Variants in FANCC observed in about 807,000 individuals in gnomAD.
FANCC encodes the protein Fanconi anemia group C protein.
A neutral mutation model predicts 71.3 loss-of-function variants in FANCC; 55 were observed. The observed-to-expected ratio is 0.77, with a 90% CI of 0.62 to 0.97. The LOEUF (loss-of-function observed/expected upper bound fraction) is 0.97, where lower values mean the gene tolerates loss of function less well. Ranked by LOEUF, FANCC falls within the 50% of genes least tolerant of loss-of-function variation. FANCC has a pLI of 0.00. For missense variants in FANCC, 678 were observed against 670.9 expected (o/e 1.01, Z -0.12); for synonymous variants, 275 against 244.9 (o/e 1.12, Z -1.15).
At chr9:95,293,951 T>C (rs1488675466) in intron 1 of FANCC, 7 of 1,585,008 alleles carry the variant, frequency 4.4e-6, no homozygotes, top group South Asian at 1.1e-5. Flanking sequence ...AACAGTTTAG[T>C]AGCAGAGATA....
intron 4 of FANCC, among the ~76,000 whole-genome samples, chr9:95,194,889 G>A (rs1827330399): frequency 6.6e-6 from 1 of 152,006 alleles, no homozygotes; most frequent in Admixed American, 6.6e-5. Flanking sequence ...TATGCTTGGG[G>A]TAGCAAGTAT....
intron 1 of FANCC, among the ~76,000 whole-genome samples, chr9:95,252,361 T>C (rs903216894): frequency 6.6e-6 from 1 of 151,300 alleles, no homozygotes; most frequent in Non-Finnish European, 1.5e-5. Flanking sequence ...ATATTTCATA[T>C]GGCACTAGAT....
At chr9:95,306,599 T>C (rs148614509) in intron 1 of FANCC, among the ~76,000 whole-genome samples, 242 of 152,320 alleles carry the variant, frequency 1.6e-3, no homozygotes, top group African/African-American at 5.5e-3. Flanking sequence ...TCCTTCTCTC[T>C]AAACATTTCA....
intron 6 of FANCC, among the ~76,000 whole-genome samples, chr9:95,152,550 G>A (rs937721379): frequency 2.6e-5 from 4 of 152,196 alleles, no homozygotes; most frequent in African/African-American, 9.7e-5. Context: ...GATCACTGTA[G>A]GGGCCTGCAT....
At chr9:95,134,217 C>T (rs904742753) in intron 8 of FANCC, among the ~76,000 whole-genome samples, 3 of 152,152 alleles carry the variant, frequency 2.0e-5, no homozygotes, top group East Asian at 1.9e-4. Context: ...CGGAGGAAGG[C>T]AACTGATTCC....
intron 2 of FANCC, among the ~76,000 whole-genome samples, chr9:95,247,748 CAT>C: frequency 6.6e-6 from 1 of 152,140 alleles, no homozygotes; most frequent in Non-Finnish European, 1.5e-5. Flanking sequence ...AGATGTATGA[CAT>C]AGGTAAAATC....
intron 1 of FANCC, among the ~76,000 whole-genome samples, chr9:95,278,335 CAGT>C (rs1331611775): frequency 6.6e-6 from 1 of 152,160 alleles, no homozygotes; most frequent in African/African-American, 2.4e-5. Context: ...GATACACAGT[CAGT>C]AGAAGCCATA....
intron 4 of FANCC, among the ~76,000 whole-genome samples, chr9:95,204,927 A>G (rs534430086): frequency 6.6e-6 from 1 of 152,324 alleles, no homozygotes; most frequent in Non-Finnish European, 1.5e-5. Context: ...GCTTCAAAAT[A>G]CCAAAGGGGA....
intron 6 of FANCC, among the ~76,000 whole-genome samples, chr9:95,155,389 C>T (rs1026424053): frequency 6.8e-5 from 10 of 146,366 alleles, no homozygotes; most frequent in African/African-American, 2.1e-4. Flanking sequence ...AGAAAATATT[C>T]GTAATAAAGG....
At chr9:95,292,991 A>G in intron 1 of FANCC, 2 of 1,576,874 alleles carry the variant, frequency 1.3e-6, no homozygotes, top group Non-Finnish European at 1.7e-6. Flanking sequence ...TCCCTGCAGA[A>G]CACAGGGACC....
At chr9:95,107,439 T>C in intron 13 of FANCC, 170 bp from the exon 14 acceptor site, 1 of 698,578 alleles carries the variant, frequency 1.4e-6, no homozygotes, top group South Asian at 1.7e-5. Context: ...CAAACCCAAA[T>C]GGGCGGAATG....
At chr9:95,102,860 C>T (rs985390625) in intron 14 of FANCC, among the ~76,000 whole-genome samples, 2 of 152,342 alleles carry the variant, frequency 1.3e-5, no homozygotes, top group Admixed American at 6.5e-5. Context: ...CCATGACGTT[C>T]GCTCTCCTCG....
intron 1 of FANCC, among the ~76,000 whole-genome samples, chr9:95,266,170 T>C (rs973631771): frequency 6.6e-6 from 1 of 152,228 alleles, no homozygotes; most frequent in African/African-American, 2.4e-5. Context: ...TTATCTAAAG[T>C]CATTCTTCTT....
At chr9:95,211,776 T>C (rs907888073) in intron 4 of FANCC, among the ~76,000 whole-genome samples, 5 of 150,300 alleles carry the variant, frequency 3.3e-5, no homozygotes, top group Admixed American at 6.6e-5. Flanking sequence ...ATGGCAGAGA[T>C]GATGGAAGTA....
At position 95,240,962 on chromosome 9, in the gene FANCC, T is replaced by C. The variant is rs4647438; in HGVS notation, c.251-219A>G. ...CTATCTTTGCTCTCCTAGCTGTCCT[T>C]CAGAATTCCCTAAACTTAACTTTGT... On this transcript the variant is annotated intron_variant, in intron 3 of 14. Coordinates refer to ENST00000289081, the MANE Select transcript of FANCC (RefSeq NM_000136.3). Among the ~76,000 whole-genome samples the C allele has an allele frequency of 4.6e-3, 706 of 152,340 alleles. 4 individuals carry two copies. Among genetic ancestry groups the C allele is most frequent in the Middle Eastern group, 0.034 (10 of 294 alleles).
intron 14 of FANCC, among the ~76,000 whole-genome samples, chr9:95,105,981 A>T (rs540977156): frequency 6.6e-6 from 1 of 152,298 alleles, no homozygotes; most frequent in South Asian, 2.1e-4. Flanking sequence ...TCTGGGTTAT[A>T]GACCTAGGAG....
intron 8 of FANCC, among the ~76,000 whole-genome samples, chr9:95,130,503 AAAG>A (rs1448492629): frequency 2.6e-5 from 4 of 152,254 alleles, no homozygotes; most frequent in Admixed American, 2.0e-4. Flanking sequence ...CCTTAAAAAT[AAAG>A]AAGGAAATAG....
chr9:95,305,713 G>A (rs545745552), intron 1 of FANCC, among the ~76,000 whole-genome samples: 1 of 152,082 alleles, frequency 6.6e-6, no homozygotes, highest in South Asian at 2.1e-4. Flanking sequence ...ACAATTCAAA[G>A]GCAACAGGAT....
chr9:95,281,613 AAAGC>A (rs1465899773), intron 1 of FANCC, among the ~76,000 whole-genome samples: 3 of 152,148 alleles, frequency 2.0e-5, no homozygotes, highest in African/African-American at 7.2e-5. Context: ...CTCACTGATA[AAAGC>A]AAGTACACAG....
Sources: gnomAD v4.1 joint callset for allele counts (sites outside exome capture counted in the v4.1 genomes callset) on GRCh38, gnomAD v4.1.1 for gene constraint, MANE v1.5 for transcripts, NCBI Gene and HGNC (gene_info 2026-07-23, HGNC 2026-07-21) for gene names.